The following NPLOC4 variants were observed in gnomAD, a reference collection of about 807,000 sequenced individuals.
The protein encoded by NPLOC4 is nuclear protein localization protein 4 homolog.
A neutral mutation model predicts 80.6 loss-of-function variants in NPLOC4; 18 were observed. The ratio of observed to expected loss-of-function variants is 0.22; its 90% CI spans 0.15 to 0.33. The LOEUF is 0.33. Among genes scored for constraint, NPLOC4 ranks in the 10% least tolerant of loss-of-function variants. The pLI is 1.00. For synonymous variants in NPLOC4, 313 were observed against 301.5 expected (o/e 1.04, Z -0.39); for missense variants, 540 against 786.1 (o/e 0.69, Z 3.74).
At chr17:81,635,584 C>T (rs2036046262) in intron 1 of NPLOC4, among the ~76,000 whole-genome samples, 1 of 152,130 alleles carries the variant, frequency 6.6e-6, no homozygotes, top group African/African-American at 2.4e-5. Context: ...GGGTGGAGTC[C>T]AGTGACGCCA....
chr17:81,618,282 A>G (rs2035559719), intron 3 of NPLOC4, among the ~76,000 whole-genome samples: 1 of 143,910 alleles, frequency 6.9e-6, no homozygotes, highest in African/African-American at 2.6e-5. Context: ...CCATCGTCTG[A>G]GATGTGGGGA....
intron 2 of NPLOC4, among the ~76,000 whole-genome samples, chr17:81,622,618 T>G (rs551231004): frequency 4.6e-5 from 7 of 152,186 alleles, no homozygotes; most frequent in Non-Finnish European, 7.3e-5. Context: ...TGGCATGATC[T>G]CGGCTTACTG....
At chr17:81,599,027 G>T (rs1269631430) in intron 9 of NPLOC4, among the ~76,000 whole-genome samples, 1 of 152,222 alleles carries the variant, frequency 6.6e-6, no homozygotes, top group Non-Finnish European at 1.5e-5. Flanking sequence ...GGTGGCTCAC[G>T]CCCATAATCC....
intron 11 of NPLOC4, among the ~76,000 whole-genome samples, chr17:81,594,032 G>A (rs557440967): frequency 1.3e-5 from 2 of 152,220 alleles, no homozygotes; most frequent in East Asian, 3.9e-4. Context: ...CCAGCACCTT[G>A]GAAGGCCGAG....
rs1202593660 is a variant in NPLOC4 at position 81,618,611 on chromosome 17, G to A, written c.209+3555C>T. On this transcript the variant is annotated intron_variant, in intron 3 of 16. Coordinates refer to ENST00000331134, the MANE Select transcript of NPLOC4 (RefSeq NM_017921.4). ...GGGGTCAGCCCCCGCCCAGCCAGCC[G>A]CCCGTCTGGGAGGTGAGGGGCGCCT... Among the ~76,000 whole-genome samples the A allele has an allele frequency of 1.1e-4, 15 of 134,384 alleles. No homozygotes were observed. In the South Asian group the frequency reaches 1.3e-3, roughly 12 times the overall value. The allele number at this position is 134,384 out of a possible 152,430, so 88.2% of individuals were successfully genotyped here.
chr17:81,561,935 C>A (rs1337067254), intron 16 of NPLOC4: 1 of 152,154 alleles, frequency 6.6e-6, no homozygotes, highest in Non-Finnish European at 1.5e-5. Flanking sequence ...AGGCCTATGA[C>A]CCATCCTGAG....
chr17:81,581,572 G>A (rs1598631783), intron 12 of NPLOC4, among the ~76,000 whole-genome samples: 1 of 152,092 alleles, frequency 6.6e-6, no homozygotes, highest in Admixed American at 6.5e-5. Context: ...CAGCCAGAGG[G>A]GCAGCCAGTC....
chr17:81,602,156 G>A lies in NPLOC4; in HGVS notation c.835-1729C>T, dbSNP rs79214902. Among the ~76,000 whole-genome samples the A allele has an allele frequency of 7.5e-3, 1,147 of 152,248 alleles. 7 individuals are homozygous for A. Among genetic ancestry groups the A allele is most frequent in the African/African-American group, 0.026 (1,091 of 41,536 alleles). On this transcript the variant is annotated intron_variant, in intron 8 of 16. Transcript: ENST00000331134. ...CTAGCCAGGCTCAGTGGCATACACCGATAGTCCCAGCTACTTGGGAGAAAG... is the reference window on the plus strand; with the variant it reads ...CTAGCCAGGCTCAGTGGCATACACCAATAGTCCCAGCTACTTGGGAGAAAG...
chr17:81,593,969 A>G (rs910668362), intron 11 of NPLOC4, among the ~76,000 whole-genome samples: 7 of 151,936 alleles, frequency 4.6e-5, no homozygotes, highest in African/African-American at 1.7e-4. Context: ...CCAAGCAACA[A>G]CTTAGGAAAA....
intron 2 of NPLOC4, among the ~76,000 whole-genome samples, chr17:81,625,719 A>T (rs117449251): frequency 7.2e-5 from 11 of 152,146 alleles, no homozygotes; most frequent in Non-Finnish European, 1.6e-4. Flanking sequence ...CGACAGAGTG[A>T]GAATCCAACC....
chr17:81,586,410 G>A (rs2034582464), intron 12 of NPLOC4, among the ~76,000 whole-genome samples: 1 of 152,102 alleles, frequency 6.6e-6, no homozygotes, highest in South Asian at 2.1e-4. Context: ...AGGAGTTCAA[G>A]ACCGGCCTGG....
chr17:81,616,410 A>AT (rs2035489723), intron 3 of NPLOC4, among the ~76,000 whole-genome samples: 1 of 151,856 alleles, frequency 6.6e-6, no homozygotes, highest in African/African-American at 2.4e-5. Context: ...ATAACCTGTC[A>AT]TAAGAACCAA....
At chr17:81,604,459 A>T in intron 8 of NPLOC4, 89 bp downstream of exon 8, 2 of 1,228,786 alleles carry the variant, frequency 1.6e-6, no homozygotes, top group South Asian at 1.6e-5. Flanking sequence ...AACAAACAAC[A>T]AAGCGAACAG....
chr17:81,594,273 T>TA (rs2034830407), intron 11 of NPLOC4, among the ~76,000 whole-genome samples: 1 of 14,178 alleles, frequency 7.1e-5, no homozygotes, highest in Non-Finnish European at 1.4e-4. Flanking sequence ...AGACTCCGTC[T>TA]CAAAAAAAAA....
chr17:81,604,401 A>G (rs2035143363), intron 8 of NPLOC4, 147 bp downstream of exon 8: 2 of 674,552 alleles, frequency 3.0e-6, no homozygotes, highest in Non-Finnish European at 5.0e-6. Flanking sequence ...TCACTCTCCA[A>G]TAACTCAGAA....
chr17:81,620,643 T>C (rs1192938719), intron 3 of NPLOC4, among the ~76,000 whole-genome samples: 3 of 152,130 alleles, frequency 2.0e-5, no homozygotes, highest in Admixed American at 6.5e-5. Flanking sequence ...CACTGTTTTC[T>C]GAGGTGTTCA....
intron 16 of NPLOC4, among the ~76,000 whole-genome samples, chr17:81,559,698 C>T (rs996144139): frequency 3.3e-5 from 5 of 149,638 alleles, no homozygotes; most frequent in South Asian, 2.1e-4. Flanking sequence ...CGTAACTCCC[C>T]GGGGGATGTG....
intron 1 of NPLOC4, among the ~76,000 whole-genome samples, chr17:81,633,552 A>G (rs1044672508): frequency 2.0e-5 from 3 of 152,356 alleles, no homozygotes; most frequent in African/African-American, 7.2e-5. Context: ...CCTCTGACAC[A>G]GACTACAAAA....
intron 3 of NPLOC4, among the ~76,000 whole-genome samples, chr17:81,618,363 G>A (rs2035563566): frequency 6.6e-6 from 1 of 151,714 alleles, no homozygotes; most frequent in South Asian, 2.1e-4. Context: ...CGTCTGGGAG[G>A]TGAGGAGCGT....
Sources: gnomAD v4.1 joint callset for allele counts (sites outside exome capture counted in the v4.1 genomes callset) on GRCh38, gnomAD v4.1.1 for gene constraint, MANE v1.5 for transcripts, NCBI Gene and HGNC (gene_info 2026-07-23, HGNC 2026-07-21) for gene names.